Variants in MPI observed in about 807,000 individuals in gnomAD.
The protein encoded by MPI is mannose-6-phosphate isomerase.
In MPI, 33 loss-of-function variants were observed where a neutral mutation model predicts 40.1. The ratio of observed to expected loss-of-function variants is 0.82; its 90% CI spans 0.62 to 1.10. The LOEUF (loss-of-function observed/expected upper bound fraction) is 1.10. Ranked by LOEUF, MPI falls within the 50% of genes least tolerant of loss-of-function variation. The pLI, the probability that MPI is intolerant of heterozygous loss-of-function variation, is 0.00. For synonymous variants in MPI, 187 were observed against 207.4 expected, an observed-to-expected ratio of 0.90 and a Z score of 0.85; for missense variants, 514 against 524.1, an observed-to-expected ratio of 0.98 and a Z score of 0.19.
At chr15:74,893,116 C>T (rs1351278070) in intron 4 of MPI, 22 bp from the exon 5 acceptor site, 1 of 1,613,300 alleles carries the variant, frequency 6.2e-7, no homozygotes, top group Non-Finnish European at 8.5e-7. Flanking sequence ...TGATATGGGC[C>T]CTGGGCCTTG....
At position 74,902,215 on chromosome 15, in the gene MPI, T is replaced by C; in HGVS notation, c.*4485T>C. 1 of 398,740 alleles carries C rather than the reference T, an allele frequency of 2.5e-6. No homozygotes were observed. 24.7% of individuals were successfully genotyped at this position (398,740 alleles called of 1,614,324 possible). On this transcript the variant is annotated 3_prime_UTR_variant, in exon 8 of 8. Transcript: ENST00000352410. The stretch of plus-strand genomic sequence containing the variant: ...TTGCCAGCTATAATAAACCATAAAG[T>C]GCTATTTTCTGCCTCCATTCAACAC...
chr15:74,890,285 G>A, intron 1 of MPI, 196 bp downstream of exon 1: 1 of 904,828 alleles, frequency 1.1e-6, no homozygotes, highest in Non-Finnish European at 1.7e-6. Flanking sequence ...CGTGCCGTGG[G>A]ATAGGTACCT....
In MPI at chr15:74,892,851, T is replaced by C. The variant is rs1416948774; in HGVS notation, c.487+49T>C. On this transcript the variant is annotated intron_variant, in intron 4 of 7. Transcript: ENST00000352410. ...GCATGCGTACTGGGCCAGGGATACC[T>C]GGGGAACCAAGATGATAGGAACAGT... The C allele has an allele frequency of 2.5e-6, 4 of 1,613,488 alleles. No homozygotes were observed. The East Asian group carries it at 6.7e-5, about 27-fold the overall frequency.
Position 74,896,160 on chromosome 15 carries a change from G to A in MPI, c.679G>A (p.Gly227Arg), listed in dbSNP as rs747198298. The change falls in exon 6 of 8, where the codon GGA (glycine) becomes AGA (arginine). Residue 227 changes from glycine (G) to arginine (R), a missense_variant. Coordinates refer to ENST00000352410, the MANE Select transcript of MPI (RefSeq NM_002435.3). ...TGCTCTGTGACCCTCAGCGGCTGCC[G>A]GAAACAACATGGAGGACATCTTTGG... ...VKRISQQAAA[G>R]NNMEDIFGEL... 1.3e-5 allele frequency: 21 copies of A among 1,614,048 alleles called. No individual in the cohort carries two copies. Among genetic ancestry groups the A allele is most frequent in the East Asian group, 2.2e-5 (1 of 44,876 alleles).
chr15:74,890,687 C>T (rs1487028474), intron 2 of MPI, 33 bp downstream of exon 2: 1 of 1,610,988 alleles, frequency 6.2e-7, no homozygotes, highest in East Asian at 2.2e-5. Flanking sequence ...GCCCACTTTA[C>T]CCGCAGGTCA....
At position 74,890,689 on chromosome 15, in the gene MPI, C is replaced by T. The variant is rs182603678; in HGVS notation, c.144+35C>T. The T allele has an allele frequency of 2.3e-3, 3,694 of 1,610,770 alleles. 10 individuals carry two copies. Among genetic ancestry groups the T allele is most frequent in the Non-Finnish European group, 2.7e-3 (3,187 of 1,179,962 alleles). On this transcript the variant is annotated intron_variant, in intron 2 of 7. Coordinates refer to ENST00000352410, the MANE Select transcript of MPI (RefSeq NM_002435.3). ...GGGCTGTATTTCAGCCCACTTTACC[C>T]GCAGGTCAGGAGAAAGGGCCTGAGG... is the stretch of plus-strand genomic sequence containing the variant.
chr15:74,896,041 T>C, intron 5 of MPI, 111 bp from the exon 6 acceptor site: 1 of 1,365,396 alleles, frequency 7.3e-7, no homozygotes, highest in Non-Finnish European at 1.0e-6. Context: ...CCACTTTGGC[T>C]TCTGGATTCC....
Position 74,897,789 on chromosome 15 carries a change from C to T in MPI, c.*59C>T. On this transcript the variant is annotated 3_prime_UTR_variant, in exon 8 of 8. Transcript: ENST00000352410. ...CACCCTAAATTCCAGCCAACCTCAC[C>T]TCCTCGGGCCCAGCTCAAGCCCCCT... 1 of 1,522,876 alleles carries T rather than the reference C, an allele frequency of 6.6e-7. No individual in the cohort carries two copies. The allele number at this position is 1,522,876 out of a possible 1,614,324, so 94.3% of individuals were successfully genotyped here. A position where few individuals can be genotyped will look rare whatever the true frequency, so the allele number is the denominator to read the frequency against.
intron 1 of MPI, 128 bp from the exon 2 acceptor site, chr15:74,890,399 C>T (rs1362360289): frequency 3.1e-6 from 4 of 1,274,462 alleles, no homozygotes; most frequent in Admixed American, 1.9e-5. Context: ...GGGGTCTCAT[C>T]CAACAGCCTA....
Position 74,891,382 on chromosome 15 carries a change from T to C in MPI, c.148T>C (p.Trp50Arg), listed in dbSNP as rs1366088975. 1 of 1,614,088 alleles carries C rather than the reference T, an allele frequency of 6.2e-7. No individual in the cohort carries two copies. The highest frequency in any genetic ancestry group is 1.1e-5 in the South Asian group (1 of 91,076). ...CCCAAGTTTCCTGTCTTTCCAGTTG[T>C]GGATGGGGACTCACCCCCGAGGGGA... Reference protein sequence around the residue: ...IAEDKPYAELWMGTHPRGDAK... With the variant: ...IAEDKPYAELRMGTHPRGDAK... Residue 50 changes from tryptophan to arginine, a missense_variant, in exon 3 of 8, where the codon TGG becomes CGG. Trp to Arg is a moderately radical substitution (Grantham distance 101). Coordinates refer to ENST00000352410, the MANE Select transcript of MPI (RefSeq NM_002435.3).
rs1035191428 is a variant in MPI, at chr15:74,897,314, C to G, written c.1053+95C>G. 15 of 1,494,356 alleles carry G rather than the reference C, an allele frequency of 1.0e-5. No homozygotes were observed. The African/African-American group carries it at 2.1e-4, about 21-fold the overall frequency. 92.6% of individuals were successfully genotyped at this position (1,494,356 alleles called of 1,614,324 possible). A position where few individuals can be genotyped will look rare whatever the true frequency, so the allele number is the denominator to read the frequency against. On this transcript the variant is annotated intron_variant, in intron 7 of 7. Coordinates refer to ENST00000352410, the MANE Select transcript of MPI (RefSeq NM_002435.3). ...GGACACCTGGGGCTGGGTTTCCTGT[C>G]AAGCCCACTTGGCGGAGGGTGGCCC...
At chr15:74,896,104 G>A (rs765819164) in intron 5 of MPI, 48 bp from the exon 6 acceptor site, 4 of 1,606,932 alleles carry the variant, frequency 2.5e-6, no homozygotes, top group South Asian at 2.2e-5. Flanking sequence ...GCTATGAACA[G>A]CACTGAGTAT....
chr15:74,894,100 GTGTGTGT>G (rs1567267276), intron 5 of MPI, among the ~76,000 whole-genome samples: 3 of 53,272 alleles, frequency 5.6e-5, no homozygotes, highest in African/African-American at 9.6e-5. Flanking sequence ...GTGTGTGTGT[GTGTGTGT>G]GGTCTCTTTC....
rs761837484 is a variant in MPI, at chr15:74,897,062, C to T, written c.896C>T (p.Thr299Ile). Reference sequence around the variant, plus strand: ...GACAACACAGTTCGTGCTGGCCTGACACCCAAGTTCATTGATGTGCCAACC... The same window carrying T: ...GACAACACAGTTCGTGCTGGCCTGATACCCAAGTTCATTGATGTGCCAACC... ...CSDNTVRAGL[T>I]PKFIDVPTLC... The change falls in exon 7 of 8, where the codon ACA (threonine) becomes ATA (isoleucine). Residue 299 changes from threonine (T) to isoleucine (I), a missense_variant. Physicochemically the swap from Thr to Ile is moderately conservative, Grantham distance 89. Coordinates refer to ENST00000352410, the MANE Select transcript of MPI (RefSeq NM_002435.3). The T allele has an allele frequency of 1.9e-6, 3 of 1,614,162 alleles. No homozygotes were observed. In the South Asian group the frequency reaches 3.3e-5, roughly 18 times the overall value.
rs781624759 is a variant in MPI, at chr15:74,890,064, G to T, written c.-10G>T. 1.2e-6 allele frequency: 2 copies of T among 1,606,902 alleles called. No homozygotes were observed. The highest frequency in any genetic ancestry group is 1.7e-6 in the Non-Finnish European group (2 of 1,179,944). ...GGCATACGTGCTTAATCCTGGTGCA[G>T]GGGGCGAGCATGGCCGCTCCGCGAG... is the stretch of plus-strand genomic sequence containing the variant. On this transcript the variant is annotated 5_prime_UTR_variant, in exon 1 of 8. It adds an upstream start codon to the 5' untranslated region. Coordinates refer to ENST00000352410, the MANE Select transcript of MPI (RefSeq NM_002435.3).
At chr15:74,893,964 T>G (rs1324764474) in intron 5 of MPI, among the ~76,000 whole-genome samples, 2 of 140,082 alleles carry the variant, frequency 1.4e-5, no homozygotes, top group Admixed American at 1.4e-4. Context: ...CTTTTTATTT[T>G]ACCTCTACAG....
chr15:74,891,357 C>G (rs2064723407), intron 2 of MPI, 22 bp from the exon 3 acceptor site: 2 of 1,612,744 alleles, frequency 1.2e-6, no homozygotes, highest in Non-Finnish European at 1.7e-6. Flanking sequence ...CCCTTCCCCT[C>G]CCAAGTTTCC....
At position 74,898,667 on chromosome 15, in the gene MPI, A is replaced by G. The variant is rs1033924777; in HGVS notation, c.*937A>G. 1.3e-5 allele frequency: 2 copies of G among 151,680 alleles called. No individual in the cohort carries two copies. Among genetic ancestry groups the G allele is most frequent in the Admixed American group, 1.3e-4 (2 of 15,184 alleles). The allele number at this position is 151,680 out of a possible 1,614,324, so 9.4% of individuals were successfully genotyped here. Reference sequence around the variant, plus strand: ...ACTCTTCTGCCTCAGCCTCCCAAGTAGCTGGGACCACAGGCGCCCACCACC... The same window carrying G: ...ACTCTTCTGCCTCAGCCTCCCAAGTGGCTGGGACCACAGGCGCCCACCACC... On this transcript the variant is annotated 3_prime_UTR_variant, in exon 8 of 8. Coordinates refer to ENST00000352410, the MANE Select transcript of MPI (RefSeq NM_002435.3).
At chr15:74,894,677 C>G (rs956327627) in intron 5 of MPI, among the ~76,000 whole-genome samples, 1 of 149,380 alleles carries the variant, frequency 6.7e-6, no homozygotes, top group African/African-American at 2.5e-5. Flanking sequence ...ATCCCAGCTA[C>G]TCAGGAGGCT....
Sources: allele counts gnomAD v4.1 joint callset (sites outside exome capture counted in the v4.1 genomes callset), GRCh38; gene constraint gnomAD v4.1.1; transcripts MANE v1.5; gene names NCBI Gene and HGNC (gene_info 2026-07-23, HGNC 2026-07-21).